The following SMURF1 variants were observed in gnomAD, a reference collection of about 807,000 sequenced individuals.
SMURF1 encodes SMAD specific E3 ubiquitin protein ligase 1.
A neutral mutation model predicts 98.0 loss-of-function variants in SMURF1; 44 were observed. The observed-to-expected ratio is 0.45, with a 90% CI of 0.35 to 0.58. The LOEUF (loss-of-function observed/expected upper bound fraction) is 0.58, where lower values mean the gene tolerates loss of function less well. Among genes scored for constraint, SMURF1 ranks in the 20% least tolerant of loss-of-function variants. The pLI, the probability that SMURF1 is intolerant of heterozygous loss-of-function variation, is 0.00. For synonymous variants in SMURF1, 396 were observed against 374.9 expected, an observed-to-expected ratio of 1.06 and a Z score of -0.65; for missense variants, 687 against 938.4, an observed-to-expected ratio of 0.73 and a Z score of 3.50.
rs531852169 is a variant in SMURF1 at position 99,122,512 on chromosome 7, C to T, written c.55+21214G>A. On this transcript the variant is annotated intron_variant, in intron 1 of 17. Transcript: ENST00000361368. ...ATACAAAATTAGCCAGGTGTGGTGG[C>T]GGGCGCCTGTAATCCCAGCTACTTG... is the stretch of plus-strand genomic sequence containing the variant. Among the ~76,000 whole-genome samples, 28 of 151,586 alleles carry T rather than the reference C, an allele frequency of 1.8e-4. No homozygotes were observed. The East Asian group carries it at 3.7e-3, about 20-fold the overall frequency.
At chr7:99,059,561 A>G (rs1795981610) in intron 3 of SMURF1, among the ~76,000 whole-genome samples, 1 of 152,160 alleles carries the variant, frequency 6.6e-6, no homozygotes, top group African/African-American at 2.4e-5. Flanking sequence ...CAGAAAATAT[A>G]TATGTACTAA....
rs1452577720 is a variant in SMURF1, at chr7:99,040,359, G to A, written c.1550+19C>T. 7.5e-6 allele frequency: 11 copies of A among 1,460,230 alleles called. No homozygotes were observed. Among genetic ancestry groups the A allele is most frequent in the African/African-American group, 2.9e-5 (2 of 69,386 alleles). 90.5% of individuals were successfully genotyped at this position (1,460,230 alleles called of 1,614,324 possible). A position where few individuals can be genotyped will look rare whatever the true frequency, so the allele number is the denominator to read the frequency against. On this transcript the variant is annotated intron_variant, in intron 13 of 17. Coordinates refer to ENST00000361368, the MANE Select transcript of SMURF1 (RefSeq NM_181349.3). ...TGGTGGGCCCTAAGCCAGGTGACCG[G>A]CCGTCAGTCAATACTTACAGGATCC...
At chr7:99,075,345 C>T (rs545495044) in intron 1 of SMURF1, among the ~76,000 whole-genome samples, 25 of 152,276 alleles carry the variant, frequency 1.6e-4, no homozygotes, top group African/African-American at 6.0e-4. Flanking sequence ...TGGGCTTGAA[C>T]TCCTGGCCTC....
chr7:99,141,027 C>G (rs778565262), intron 1 of SMURF1, among the ~76,000 whole-genome samples: 1 of 152,124 alleles, frequency 6.6e-6, no homozygotes, highest in African/African-American at 2.4e-5. Context: ...ACCGCTAAAC[C>G]GCAATCCTAT....
intron 1 of SMURF1, among the ~76,000 whole-genome samples, chr7:99,065,234 G>A (rs533916192): frequency 1.3e-5 from 2 of 151,844 alleles, no homozygotes; most frequent in African/African-American, 2.4e-5. Flanking sequence ...AACTGGGACC[G>A]CAGATAAACA....
At chr7:99,064,988 T>C (rs150366772) in intron 1 of SMURF1, among the ~76,000 whole-genome samples, 2 of 152,346 alleles carry the variant, frequency 1.3e-5, no homozygotes, top group African/African-American at 2.4e-5. Context: ...TTTTAAAAAA[T>C]GACTTCATAA....
At position 99,030,676 on chromosome 7, in the gene SMURF1, G is replaced by A. The variant is rs749648388; in HGVS notation, c.2104C>T (p.Arg702Trp). The change falls in exon 18 of 18, where the codon CGG becomes TGG. Residue 702 changes from arginine (R) to tryptophan (W), a missense_variant. Physicochemically the swap from Arg to Trp is moderately radical, Grantham distance 101. Coordinates refer to ENST00000361368, the MANE Select transcript of SMURF1 (RefSeq NM_181349.3). Reference sequence around the variant, plus strand: ...GACTCATATGGTGGAATGTCGATCCGGTTAAAGCTGAAAAAGGACAAAAGA... The same window carrying A: ...GACTCATATGGTGGAATGTCGATCCAGTTAAAGCTGAAAAAGGACAAAAGA... Reference protein sequence around the residue: ...NLPKAHTCFNRIDIPPYESYE... With the variant: ...NLPKAHTCFNWIDIPPYESYE... The A allele has an allele frequency of 4.3e-6, 7 of 1,613,806 alleles. No individual in the cohort carries two copies. Among genetic ancestry groups the A allele is most frequent in the African/African-American group, 1.3e-5 (1 of 74,992 alleles).
intron 9 of SMURF1, chr7:99,048,338 G>C (rs879837505): frequency 1.8e-5 from 3 of 166,416 alleles, no homozygotes; most frequent in Non-Finnish European, 3.9e-5. Flanking sequence ...GCAGTGAGCT[G>C]AGATTGCGCC....
intron 1 of SMURF1, among the ~76,000 whole-genome samples, chr7:99,092,971 G>A (rs1286150052): frequency 6.6e-6 from 1 of 152,122 alleles, no homozygotes; most frequent in Admixed American, 6.5e-5. Context: ...GGAATCAACA[G>A]TATAGTTCTC....
rs746280378 is a variant in SMURF1 at position 99,031,183 on chromosome 7, C to T, written c.2097-500G>A. On this transcript the variant is annotated intron_variant, in intron 17 of 17. Transcript: ENST00000361368. ...GGCTGTCAGGCAACGTCACCACTAACGATGTACTGCGTGTCTGTCTGTTCC... is the reference window on the plus strand; with the variant it reads ...GGCTGTCAGGCAACGTCACCACTAATGATGTACTGCGTGTCTGTCTGTTCC... 8.9e-4 allele frequency among the ~76,000 whole-genome samples: 135 copies of T among 152,178 alleles called. 1 individual carries two copies. Among genetic ancestry groups the T allele is most frequent in the Non-Finnish European group, 2.5e-4 (17 of 68,034 alleles).
intron 1 of SMURF1, among the ~76,000 whole-genome samples, chr7:99,092,889 G>C (rs1796847416): frequency 6.6e-6 from 1 of 152,096 alleles, no homozygotes; most frequent in Admixed American, 6.5e-5. Flanking sequence ...TATTCCTCTG[G>C]GAACGATGGT....
In SMURF1 at chr7:99,045,774, G is replaced by T; in HGVS notation, c.1180C>A (p.Arg394=). Residue 394 remains arginine (R), a synonymous_variant, in exon 11 of 18, where the codon CGA becomes AGA. Transcript: ENST00000361368. The part of the protein sequence containing the change: ...EESYRQIMKM[R]PKDLKKRLMV... Reference sequence around the variant, plus strand: ...AGCCGTTTTTTCAAGTCTTTCGGTCGCATCTTCATTATCTGGCGGTAAGAC... The same window carrying T: ...AGCCGTTTTTTCAAGTCTTTCGGTCTCATCTTCATTATCTGGCGGTAAGAC... 1 of 1,614,030 alleles carries T rather than the reference G, an allele frequency of 6.2e-7. No individual in the cohort carries two copies. Among genetic ancestry groups the T allele is most frequent in the Non-Finnish European group, 8.5e-7 (1 of 1,179,908 alleles).
At chr7:99,124,832 C>A (rs927060657) in intron 1 of SMURF1, among the ~76,000 whole-genome samples, 1 of 152,202 alleles carries the variant, frequency 6.6e-6, no homozygotes, top group Non-Finnish European at 1.5e-5. Flanking sequence ...TGCCACTGCG[C>A]TTTATCAAGA....
chr7:99,126,859 A>G (rs1305108790), intron 1 of SMURF1, among the ~76,000 whole-genome samples: 6 of 152,226 alleles, frequency 3.9e-5, no homozygotes, highest in Non-Finnish European at 8.8e-5. Context: ...CACAGCTATT[A>G]AAAAGAAATC....
rs1020998650 is a variant in SMURF1 at position 99,028,785 on chromosome 7, G to A, written c.*1799C>T. 1.3e-5 allele frequency: 2 copies of A among 152,214 alleles called. No individual in the cohort carries two copies. The highest frequency in any genetic ancestry group is 6.5e-5 in the Admixed American group (1 of 15,276). The allele number at this position is 152,214 out of a possible 1,614,324, so 9.4% of individuals were successfully genotyped here. On this transcript the variant is annotated 3_prime_UTR_variant, in exon 18 of 18. Transcript: ENST00000361368. Reference sequence around the variant, plus strand: ...AATGGATGTCTCTTCCGCCTCCCGCGGGTTAGGCTCGTGATAGAGAGTGGG... The same window carrying A: ...AATGGATGTCTCTTCCGCCTCCCGCAGGTTAGGCTCGTGATAGAGAGTGGG...
chr7:99,038,941 C>T (rs919182075), intron 13 of SMURF1, among the ~76,000 whole-genome samples: 3 of 152,000 alleles, frequency 2.0e-5, no homozygotes, highest in Non-Finnish European at 2.9e-5. Flanking sequence ...CACCTGTAAT[C>T]CCAGCACTTT....
chr7:99,054,421 C>T (rs1200309574), intron 6 of SMURF1, among the ~76,000 whole-genome samples: 1 of 152,168 alleles, frequency 6.6e-6, no homozygotes. Flanking sequence ...ATTCTCCTGC[C>T]TCAGTCTCCC....
chr7:99,039,296 C>T (rs1195537391), intron 13 of SMURF1, among the ~76,000 whole-genome samples: 1 of 151,572 alleles, frequency 6.6e-6, no homozygotes, highest in African/African-American at 2.4e-5. Flanking sequence ...TGAAAACTAG[C>T]TCTTGAATCT....
chr7:99,140,787 AAC>A (rs1272437976), intron 1 of SMURF1, among the ~76,000 whole-genome samples: 2 of 149,000 alleles, frequency 1.3e-5, no homozygotes, highest in Admixed American at 6.6e-5. Context: ...CCTCATTTTT[AAC>A]AGTCTTTTTT....
Sources: allele counts gnomAD v4.1 joint callset (sites outside exome capture counted in the v4.1 genomes callset), GRCh38; gene constraint gnomAD v4.1.1; transcripts MANE v1.5; gene names NCBI Gene and HGNC (gene_info 2026-07-23, HGNC 2026-07-21).